Variants in CSMD1 observed in about 807,000 individuals in gnomAD.
CSMD1 encodes CUB and sushi domain-containing protein 1.
CSMD1 carries 213 observed loss-of-function variants against 417.5 expected under a neutral mutation model. The ratio of observed to expected loss-of-function variants is 0.51; its 90% confidence interval spans 0.46 to 0.57. The LOEUF (loss-of-function observed/expected upper bound fraction) is 0.57. CSMD1 is among the 20% of genes least tolerant of loss of function. The pLI is 0.00. For missense variants in CSMD1, 6,923 were observed against 4,529.7 expected (o/e 1.53, Z -15.17); for synonymous variants, 2,862 against 1,736.8 (o/e 1.65, Z -16.11).
At chr8:3,972,031 T>C (rs191381102) in intron 5 of CSMD1, among the ~76,000 whole-genome samples, 1 of 152,098 alleles carries the variant, frequency 6.6e-6, no homozygotes, top group East Asian at 1.9e-4. Context: ...ATCAACCTCC[T>C]AAGTAATTTG....
chr8:3,847,861 G>C lies in CSMD1; in HGVS notation c.819-93819C>G, dbSNP rs186996458. ...TTAGATGTATTTGCTCCCATTATGC[G>C]CTCCCTATAGCTAGTCTGACTTTTC... On this transcript the variant is annotated intron_variant, in intron 5 of 69. Coordinates refer to ENST00000635120, the MANE Select transcript of CSMD1 (RefSeq NM_033225.6). Among the ~76,000 whole-genome samples, 18 of 152,162 alleles carry C rather than the reference G, an allele frequency of 1.2e-4. No homozygotes were observed. In the South Asian group the frequency reaches 3.5e-3, roughly 30 times the overall value.
At chr8:4,028,744 T>A (rs1797191405) in intron 4 of CSMD1, among the ~76,000 whole-genome samples, 1 of 152,196 alleles carries the variant, frequency 6.6e-6, no homozygotes, top group Non-Finnish European at 1.5e-5. Flanking sequence ...ATTATTACAT[T>A]AGTGCTTGTT....
intron 5 of CSMD1, among the ~76,000 whole-genome samples, chr8:3,759,485 G>T (rs1415849813): frequency 6.6e-6 from 1 of 152,090 alleles, no homozygotes; most frequent in South Asian, 2.1e-4. Flanking sequence ...CTTCTTTTAG[G>T]CCTGCTGGAT....
chr8:3,804,160 G>A (rs939789731), intron 5 of CSMD1, among the ~76,000 whole-genome samples: 5 of 151,972 alleles, frequency 3.3e-5, no homozygotes, highest in Admixed American at 6.6e-5. Flanking sequence ...TCGAACTCCC[G>A]ACCCCAGGTG....
In CSMD1 at chr8:4,104,438, GCA is replaced by G. The variant is rs58522554; in HGVS notation, c.416-72341_416-72340del. On this transcript the variant is annotated intron_variant, in intron 3 of 69. Coordinates refer to ENST00000635120, the MANE Select transcript of CSMD1 (RefSeq NM_033225.6). ...CGCACACACACATGCGCACACGCAT[GCA>G]CACACACACACAGGATATGTGCACT... is the stretch of plus-strand genomic sequence containing the variant. Among the ~76,000 whole-genome samples, 59 of 151,432 alleles carry G rather than the reference GCA, an allele frequency of 3.9e-4. 1 individual carries two copies. The highest frequency in any genetic ancestry group is 2.5e-3 in the Admixed American group (38 of 15,234).
At position 4,532,804 on chromosome 8, in the gene CSMD1, G is replaced by T. The variant is rs62479748; in HGVS notation, c.302+104538C>A. ...TCGTGCACCCCCAATCAGTCACTCC[G>T]GAAGAGAAATCCTGCACCCGCATTC... On this transcript the variant is annotated intron_variant, in intron 2 of 69. Coordinates refer to ENST00000635120, the MANE Select transcript of CSMD1 (RefSeq NM_033225.6). 2.3e-5 allele frequency among the ~76,000 whole-genome samples: 3 copies of T among 130,146 alleles called. No individual in the cohort carries two copies. The South Asian group carries it at 7.7e-4, about 34-fold the overall frequency. 85.4% of individuals were successfully genotyped at this position (130,146 alleles called of 152,430 possible).
intron 1 of CSMD1, among the ~76,000 whole-genome samples, chr8:4,939,496 A>G (rs1807839195): frequency 6.6e-6 from 1 of 152,214 alleles, no homozygotes; most frequent in Admixed American, 6.5e-5. Context: ...GTCATTTGTG[A>G]CAATATGAAT....
rs146276103 is a variant in CSMD1, at chr8:4,214,663, T to C, written c.416-182564A>G. Among the ~76,000 whole-genome samples the C allele has an allele frequency of 2.2e-3, 332 of 152,214 alleles. 1 individual carries two copies. Among genetic ancestry groups the C allele is most frequent in the Middle Eastern group, 0.01 (3 of 294 alleles). ...TTGCATGCACGTGTATGTGTGTGTG[T>C]ATGAGTATGAGTGTGTTTGGTGTGT... On this transcript the variant is annotated intron_variant, in intron 3 of 69. Transcript: ENST00000635120.
chr8:4,827,723 G>A (rs754565460), intron 1 of CSMD1, among the ~76,000 whole-genome samples: 9 of 152,064 alleles, frequency 5.9e-5, no homozygotes, highest in African/African-American at 1.9e-4. Flanking sequence ...GATCTAAAAA[G>A]AATGTGTTTT....
At chr8:3,788,993 T>C (rs549254068) in intron 5 of CSMD1, among the ~76,000 whole-genome samples, 1 of 152,322 alleles carries the variant, frequency 6.6e-6, no homozygotes, top group East Asian at 1.9e-4. Flanking sequence ...GTAAGTTATT[T>C]CCACTGTATT....
chr8:3,241,033 G>C (rs1200846902), intron 26 of CSMD1, among the ~76,000 whole-genome samples: 1 of 149,360 alleles, frequency 6.7e-6, no homozygotes, highest in Non-Finnish European at 1.5e-5. Context: ...CACCAAGGAG[G>C]GAGTAGAGGT....
chr8:4,333,065 C>A (rs1413978169), intron 3 of CSMD1, among the ~76,000 whole-genome samples: 1 of 151,990 alleles, frequency 6.6e-6, no homozygotes, highest in African/African-American at 2.4e-5. Context: ...AAGAGCGTTT[C>A]ATAGAAATAC....
chr8:3,179,638 C>A (rs1233479116), intron 37 of CSMD1, among the ~76,000 whole-genome samples: 1 of 152,090 alleles, frequency 6.6e-6, no homozygotes, highest in Non-Finnish European at 1.5e-5. Flanking sequence ...GGAATAAAAA[C>A]CCAGATGCTA....
chr8:3,106,762 T>C (rs543659933), intron 45 of CSMD1, 121 bp from the exon 46 acceptor site: 3 of 542,758 alleles, frequency 5.5e-6, no homozygotes, highest in East Asian at 3.0e-5. Flanking sequence ...TTAGAAACTA[T>C]GTCTGTATTT....
At chr8:4,316,793 T>C (rs902745315) in intron 3 of CSMD1, among the ~76,000 whole-genome samples, 3 of 152,132 alleles carry the variant, frequency 2.0e-5, no homozygotes, top group Non-Finnish European at 4.4e-5. Flanking sequence ...AGTAAATCTA[T>C]ATTGTGCTTC....
In CSMD1 at chr8:4,164,784, G is replaced by T. The variant is rs148391330; in HGVS notation, c.416-132685C>A. Among the ~76,000 whole-genome samples, 1,101 of 152,060 alleles carry T rather than the reference G, an allele frequency of 7.2e-3. 14 individuals carry two copies. Among genetic ancestry groups the T allele is most frequent in the African/African-American group, 0.026 (1,064 of 41,486 alleles). ...CTAGCTACCTGGGAGGCGGAGGCAGGAGAATGGCGTGAAATCCAGAGGTGG... is the reference window on the plus strand; with the variant it reads ...CTAGCTACCTGGGAGGCGGAGGCAGTAGAATGGCGTGAAATCCAGAGGTGG... On this transcript the variant is annotated intron_variant, in intron 3 of 69. Coordinates refer to ENST00000635120, the MANE Select transcript of CSMD1 (RefSeq NM_033225.6).
intron 5 of CSMD1, among the ~76,000 whole-genome samples, chr8:3,868,969 C>A (rs575809081): frequency 6.6e-6 from 1 of 152,204 alleles, no homozygotes; most frequent in African/African-American, 2.4e-5. Context: ...AGTCACATAA[C>A]TCTTCTGCTC....
chr8:4,528,703 T>C (rs1215866301), intron 2 of CSMD1, among the ~76,000 whole-genome samples: 1 of 152,174 alleles, frequency 6.6e-6, no homozygotes, highest in East Asian at 1.9e-4. Flanking sequence ...ATATATTAAT[T>C]ATGTACAGCT....
At chr8:4,008,604 T>C (rs894282444) in intron 4 of CSMD1, among the ~76,000 whole-genome samples, 20 of 65,470 alleles carry the variant, frequency 3.1e-4, no homozygotes, top group Non-Finnish European at 5.6e-4. Context: ...TTTTTTCTTT[T>C]TTTTTTTTTT....
Sources: allele counts gnomAD v4.1 joint callset (sites outside exome capture counted in the v4.1 genomes callset), GRCh38; gene constraint gnomAD v4.1.1; transcripts MANE v1.5; gene names NCBI Gene and HGNC (gene_info 2026-07-23, HGNC 2026-07-21).